GTF3C5: variants seen among roughly 807,000 people sequenced by gnomAD.
GTF3C5 encodes general transcription factor IIIC subunit 5.
A neutral mutation model predicts 61.0 loss-of-function variants in GTF3C5; 47 were observed. That is an observed-to-expected ratio of 0.77 (90% confidence interval 0.61 to 0.98). The LOEUF is 0.98. GTF3C5 is among the 50% of genes least tolerant of loss of function. The pLI is 0.00. For synonymous variants in GTF3C5, 295 were observed against 275.4 expected, an observed-to-expected ratio of 1.07 and a Z score of -0.71; for missense variants, 659 against 703.3, an observed-to-expected ratio of 0.94 and a Z score of 0.71.
rs1185522066 is a variant in GTF3C5 at position 133,038,450 on chromosome 9, CT to C, written c.154-3619del. 7.9e-3 allele frequency among the ~76,000 whole-genome samples: 1,029 copies of C among 129,746 alleles called. 5 individuals are homozygous for C. Among genetic ancestry groups the C allele is most frequent in the African/African-American group, 0.024 (833 of 35,190 alleles). The allele number at this position is 129,746 out of a possible 152,430, so 85.1% of individuals were successfully genotyped here. On this transcript the variant is annotated intron_variant, in intron 1 of 10. Transcript: ENST00000372097. ...GGACTGTGGGGGAGACCCCTAGGAGCTTTTTTTTTTTTTTTTTTGAGACGGA... is the reference window on the plus strand; with the variant it reads ...GGACTGTGGGGGAGACCCCTAGGAGCTTTTTTTTTTTTTTTTTGAGACGGA...
intron 8 of GTF3C5, chr9:133,055,586 A>G (rs1462983127): frequency 8.1e-6 from 8 of 985,330 alleles, no homozygotes; most frequent in African/African-American, 3.5e-5. Flanking sequence ...GCAAACACTC[A>G]CTAAGCCCTG....
At chr9:133,050,725 A>G in intron 3 of GTF3C5, 58 bp from the exon 4 acceptor site, 1 of 1,328,494 alleles carries the variant, frequency 7.5e-7, no homozygotes, top group Non-Finnish European at 1.1e-6. Flanking sequence ...GGTCTGGCCC[A>G]GCGGGTGCCT....
intron 3 of GTF3C5, among the ~76,000 whole-genome samples, chr9:133,047,514 A>G (rs150819368): frequency 0.012 from 1,864 of 151,598 alleles, 31 homozygotes; most frequent in African/African-American, 0.04. Context: ...AGGGGGTGAC[A>G]TGATCCTTCC....
intron 8 of GTF3C5, chr9:133,055,225 G>C: frequency 6.6e-7 from 1 of 1,508,894 alleles, no homozygotes; most frequent in Non-Finnish European, 8.9e-7. Flanking sequence ...GTTTCCGTCA[G>C]TGCGGTTGCC....
intron 10 of GTF3C5, 72 bp from the exon 11 acceptor site, chr9:133,057,742 G>T: frequency 1.4e-6 from 2 of 1,430,382 alleles, no homozygotes; most frequent in Non-Finnish European, 1.9e-6. Flanking sequence ...GCTCCCCAGA[G>T]CCTGGTGGCC....
chr9:133,041,356 A>G (rs903958599), intron 1 of GTF3C5, among the ~76,000 whole-genome samples: 4 of 152,154 alleles, frequency 2.6e-5, no homozygotes, highest in East Asian at 1.9e-4. Context: ...GTCCACCTTC[A>G]TGTTCCGTCC....
In GTF3C5 at chr9:133,056,797, G is replaced by T; in HGVS notation, c.1282G>T (p.Ala428Ser). Reference protein sequence around the residue: ...LQKIIHRNDGAENSCTERDGW... With the variant: ...LQKIIHRNDGSENSCTERDGW... ...GAAGATCATTCACCGCAATGACGGG[G>T]CAGAGAATTCCTGCACAGAACGGGA... Residue 428 changes from alanine (A) to serine (S), a missense_variant, in exon 10 of 11, where the codon GCA (alanine) becomes TCA (serine). Physicochemically the swap from Ala to Ser is moderately conservative, Grantham distance 99. Coordinates refer to ENST00000372097, the MANE Select transcript of GTF3C5 (RefSeq NM_012087.4). 6.2e-7 allele frequency: 1 copy of T among 1,609,804 alleles called. No homozygotes were observed. Among genetic ancestry groups the T allele is most frequent in the Non-Finnish European group, 8.5e-7 (1 of 1,177,952 alleles).
chr9:133,048,529 C>T (rs112149952), intron 3 of GTF3C5, among the ~76,000 whole-genome samples: 2,461 of 152,016 alleles, frequency 0.016, 84 homozygotes, highest in African/African-American at 0.057. Context: ...ATTAGCCGGG[C>T]GTGGTGGCGC....
Position 133,043,718 on chromosome 9 carries a change from CTCTT to C in GTF3C5, c.374-6_374-3del. 2 of 1,612,934 alleles carry C rather than the reference CTCTT, an allele frequency of 1.2e-6. No homozygotes were observed. Among genetic ancestry groups the C allele is most frequent in the Admixed American group, 1.7e-5 (1 of 60,024 alleles). ...CTCAATGTCTGCCATCTGCCCACCT[CTCTT>C]TCTAGGGATGTCTGACTTCCAGTAC... On this transcript the variant is annotated splice_polypyrimidine_tract_variant and splice_region_variant and intron_variant, in intron 2 of 10. Coordinates refer to ENST00000372097, the MANE Select transcript of GTF3C5 (RefSeq NM_012087.4).
At chr9:133,034,962 C>T (rs894777906) in intron 1 of GTF3C5, among the ~76,000 whole-genome samples, 10 of 152,156 alleles carry the variant, frequency 6.6e-5, no homozygotes, top group African/African-American at 2.4e-4. Flanking sequence ...AATGGGAAGG[C>T]ATTTAGTCCA....
chr9:133,052,384 C>T (rs1677703788), intron 5 of GTF3C5, among the ~76,000 whole-genome samples: 1 of 122,818 alleles, frequency 8.1e-6, no homozygotes, highest in Non-Finnish European at 1.7e-5. Flanking sequence ...CCCGTCCTGG[C>T]ACCCCCATCC....
chr9:133,037,874 A>G (rs1849913802), intron 1 of GTF3C5, among the ~76,000 whole-genome samples: 1 of 152,200 alleles, frequency 6.6e-6, no homozygotes, highest in African/African-American at 2.4e-5. Flanking sequence ...CCTTCTGCAG[A>G]AGTAAACTTA....
chr9:133,056,858 G>A lies in GTF3C5; in HGVS notation c.1343G>A (p.Arg448Lys), dbSNP rs1829954090. Residue 448 changes from arginine (R) to lysine (K), a missense_variant, in exon 10 of 11, where the codon AGG (arginine) becomes AAG (lysine). Physicochemically the swap from Arg to Lys is conservative, Grantham distance 26 (BLOSUM62 2). Transcript: ENST00000372097. ...WCLPKTSDELRDTMSLMIRQT... is the reference protein window; with the variant it reads ...WCLPKTSDELKDTMSLMIRQT... ...CTCCCCAAGACCAGCGACGAGCTCAGGGACACCATGTCCCTCATGATCCGG... is the reference window on the plus strand; with the variant it reads ...CTCCCCAAGACCAGCGACGAGCTCAAGGACACCATGTCCCTCATGATCCGG... 1 of 1,611,114 alleles carries A rather than the reference G, an allele frequency of 6.2e-7. No individual in the cohort carries two copies. Among genetic ancestry groups the A allele is most frequent in the African/African-American group, 1.3e-5 (1 of 74,820 alleles).
At chr9:133,048,204 TAAAAG>T (rs1237851227) in intron 3 of GTF3C5, among the ~76,000 whole-genome samples, 5 of 151,852 alleles carry the variant, frequency 3.3e-5, no homozygotes, top group Non-Finnish European at 4.4e-5. Flanking sequence ...CAAAAATACA[TAAAAG>T]AAAACAGACT....
chr9:133,055,591 G>A, intron 8 of GTF3C5: 1 of 985,436 alleles, frequency 1.0e-6, no homozygotes, highest in East Asian at 1.1e-4. Context: ...CACTCACTAA[G>A]CCCTGCTTTT....
chr9:133,047,459 A>G (rs112834908), intron 3 of GTF3C5, among the ~76,000 whole-genome samples: 3,381 of 152,150 alleles, frequency 0.022, 126 homozygotes, highest in African/African-American at 0.075. Context: ...ATAGAATGAT[A>G]CCATTTTCTG....
At chr9:133,037,021 G>T (rs1360834739) in intron 1 of GTF3C5, among the ~76,000 whole-genome samples, 1 of 152,110 alleles carries the variant, frequency 6.6e-6, no homozygotes, top group Admixed American at 6.5e-5. Context: ...ATTGGAGCAG[G>T]CATGTGTTTT....
At chr9:133,048,699 TGCC>T (rs563325553) in intron 3 of GTF3C5, among the ~76,000 whole-genome samples, 173 of 152,266 alleles carry the variant, frequency 1.1e-3, no homozygotes, top group African/African-American at 3.8e-3. Context: ...TTGTCAGCAC[TGCC>T]GCCCCTGGCA....
rs966831492 is a variant in GTF3C5, at chr9:133,058,160, G to A, written c.*180G>A. On this transcript the variant is annotated 3_prime_UTR_variant, in exon 11 of 11. Coordinates refer to ENST00000372097, the MANE Select transcript of GTF3C5 (RefSeq NM_012087.4). ...AGCACTGGCTGTGACATGCTGCTTG[G>A]TGCTGCCTCTGGTCCTGAGGGGTTA... The A allele has an allele frequency of 1.6e-5, 23 of 1,434,258 alleles. No individual in the cohort carries two copies. Among genetic ancestry groups the A allele is most frequent in the African/African-American group, 4.3e-5 (3 of 69,316 alleles). 88.8% of individuals were successfully genotyped at this position (1,434,258 alleles called of 1,614,324 possible).
Sources: allele counts gnomAD v4.1 joint callset (sites outside exome capture counted in the v4.1 genomes callset), GRCh38; gene constraint gnomAD v4.1.1; transcripts MANE v1.5; gene names NCBI Gene and HGNC (gene_info 2026-07-23, HGNC 2026-07-21).